DIS3L: variants seen among roughly 807,000 people sequenced by gnomAD.
DIS3L encodes the protein DIS3-like exonuclease 1.
In DIS3L, 100 loss-of-function variants were observed where a neutral mutation model predicts 120.3. The observed-to-expected ratio is 0.83, with a 90% CI of 0.71 to 0.98. The LOEUF (loss-of-function observed/expected upper bound fraction) is 0.98. Among genes scored for constraint, DIS3L ranks in the 50% least tolerant of loss-of-function variants. DIS3L has a pLI of 0.00. For missense variants in DIS3L, 1,196 were observed against 1,314.2 expected (o/e 0.91, Z 1.39); for synonymous variants, 426 against 470.6 (o/e 0.91, Z 1.23).
intron 2 of DIS3L, among the ~76,000 whole-genome samples, chr15:66,299,014 G>A (rs1566934344): frequency 6.6e-6 from 1 of 152,222 alleles, no homozygotes; most frequent in Non-Finnish European, 1.5e-5. Flanking sequence ...ACCACCCAGG[G>A]AGGCAAGGAA....
Position 66,326,252 on chromosome 15 carries a change from T to C in DIS3L, c.2089T>C (p.Trp697Arg). 1 of 1,614,196 alleles carries C rather than the reference T, an allele frequency of 6.2e-7. No homozygotes were observed. The highest frequency in any genetic ancestry group is 8.5e-7 in the Non-Finnish European group (1 of 1,180,036). Residue 697 changes from tryptophan to arginine, a missense_variant, in exon 12 of 17, where the codon TGG becomes CGG. By Grantham distance (101) the Trp-to-Arg change is moderately radical (BLOSUM62 -3). Coordinates refer to ENST00000319212, the MANE Select transcript of DIS3L (RefSeq NM_001143688.3). ...LANHWVAKKI[W>R]ESFPHQALLR... ...CAACCACTGGGTCGCCAAAAAGATC[T>C]GGGAGAGCTTCCCTCATCAGGCCTT...
chr15:66,332,031 T>A lies in DIS3L; in HGVS notation c.2681+11T>A. On this transcript the variant is annotated intron_variant, in intron 15 of 16. Transcript: ENST00000319212. ...TCTATTTATACCAAGGTATGTTACA[T>A]CTAATGCAATGGTGCATAAGAAATC... The A allele has an allele frequency of 6.2e-7, 1 of 1,602,328 alleles. No individual in the cohort carries two copies. The highest frequency in any genetic ancestry group is 8.5e-7 in the Non-Finnish European group (1 of 1,177,064).
At position 66,302,405 on chromosome 15, in the gene DIS3L, G is replaced by A. The variant is rs4776295; in HGVS notation, c.294-4419G>A. On this transcript the variant is annotated intron_variant, in intron 2 of 16. Transcript: ENST00000319212. ...CAAAAACAAAAACCCTGGGTCTGAA[G>A]TGAAGGTGTGAAAACAAATGCAGTG... is the stretch of plus-strand genomic sequence containing the variant. Among the ~76,000 whole-genome samples, 436 of 152,256 alleles carry A rather than the reference G, an allele frequency of 2.9e-3. 2 individuals are homozygous for A. The highest frequency in any genetic ancestry group is 0.023 in the South Asian group (113 of 4,828).
At chr15:66,332,326 G>A (rs887432883) in intron 15 of DIS3L, among the ~76,000 whole-genome samples, 15 of 152,068 alleles carry the variant, frequency 9.9e-5, no homozygotes, top group Admixed American at 1.3e-4. Context: ...GCATGGTGAC[G>A]CATGCCTGAA....
chr15:66,331,223 A>T (rs1485765897), intron 14 of DIS3L, among the ~76,000 whole-genome samples: 1 of 152,084 alleles, frequency 6.6e-6, no homozygotes. Context: ...GCTAATTTAG[A>T]CTTCCACCAA....
Position 66,325,943 on chromosome 15 carries a change from C to A in DIS3L, c.1780C>A (p.Gln594Lys), listed in dbSNP as rs775153860. ...SAYKLFYEAA[Q>K]ELLDGNLSVV... Reference sequence around the variant, plus strand: ...ATACAAACTGTTCTATGAAGCAGCCCAAGAACTACTGGATGGAAACTTAAG... The same window carrying A: ...ATACAAACTGTTCTATGAAGCAGCCAAAGAACTACTGGATGGAAACTTAAG... The change falls in exon 12 of 17, where the codon CAA (glutamine) becomes AAA (lysine). Residue 594 changes from glutamine to lysine, a missense_variant. Gln to Lys is a moderately conservative substitution (Grantham distance 53). Coordinates refer to ENST00000319212, the MANE Select transcript of DIS3L (RefSeq NM_001143688.3). 10 of 1,614,088 alleles carry A rather than the reference C, an allele frequency of 6.2e-6. No homozygotes were observed. In the Admixed American group the frequency reaches 1.7e-4, roughly 27 times the overall value.
At chr15:66,331,134 G>A (rs911050565) in intron 14 of DIS3L, among the ~76,000 whole-genome samples, 27 of 152,008 alleles carry the variant, frequency 1.8e-4, no homozygotes, top group African/African-American at 6.5e-4. Flanking sequence ...CAGCCTAGGC[G>A]ATAGAGTGAG....
chr15:66,329,946 ACCTG>A, intron 14 of DIS3L: 1 of 984,536 alleles, frequency 1.0e-6, no homozygotes, highest in Non-Finnish European at 1.2e-6. Context: ...CAGAAACATC[ACCTG>A]TTATCTTACC....
intron 7 of DIS3L, among the ~76,000 whole-genome samples, chr15:66,317,068 TC>T (rs1411009670): frequency 6.6e-6 from 1 of 152,086 alleles, no homozygotes; most frequent in Non-Finnish European, 1.5e-5. Context: ...TTTCCTCACT[TC>T]CCTCAAGTCA....
At chr15:66,297,883 A>G (rs1054241735) in intron 2 of DIS3L, among the ~76,000 whole-genome samples, 1 of 152,056 alleles carries the variant, frequency 6.6e-6, no homozygotes. Flanking sequence ...TTGATGGTAT[A>G]TAAGATGGGA....
At chr15:66,327,745 AAAATAAAT>A (rs562993431) in intron 12 of DIS3L, among the ~76,000 whole-genome samples, 3 of 151,990 alleles carry the variant, frequency 2.0e-5, no homozygotes, top group African/African-American at 7.3e-5. Flanking sequence ...CTCTGTCTCA[AAAATAAAT>A]AAATAAATAA....
intron 2 of DIS3L, among the ~76,000 whole-genome samples, chr15:66,302,741 A>G (rs2092662115): frequency 1.3e-5 from 2 of 152,046 alleles, no homozygotes; most frequent in Non-Finnish European, 2.9e-5. Flanking sequence ...CCTTTCAAGC[A>G]CTTATCCCAC....
chr15:66,293,536 G>A (rs922170925), upstream of DIS3L: 3 of 1,339,200 alleles, frequency 2.2e-6, no homozygotes, highest in East Asian at 3.5e-5. Context: ...GGGCGGGTCC[G>A]AGGCCGCGGC....
intron 2 of DIS3L, among the ~76,000 whole-genome samples, chr15:66,297,110 G>A (rs76681533): frequency 0.016 from 2,374 of 152,254 alleles, 64 homozygotes; most frequent in African/African-American, 0.055. Flanking sequence ...CAACCAGCAG[G>A]TGCCTTCAGG....
chr15:66,326,063 G>C lies in DIS3L; in HGVS notation c.1900G>C (p.Asp634His). ...GGTGTGGGCAATTGGAAAGCTGACC[G>C]ACATAGCTCGCCATGTCAGAGCTAA... is the stretch of plus-strand genomic sequence containing the variant. Reference protein sequence around the residue: ...ELVWAIGKLTDIARHVRAKRD... With the variant: ...ELVWAIGKLTHIARHVRAKRD... The change falls in exon 12 of 17, where the codon GAC becomes CAC. Residue 634 changes from aspartate (D) to histidine (H), a missense_variant. Transcript: ENST00000319212. 6.2e-7 allele frequency: 1 copy of C among 1,614,074 alleles called. No homozygotes were observed. Among genetic ancestry groups the C allele is most frequent in the Non-Finnish European group, 8.5e-7 (1 of 1,179,936 alleles).
intron 2 of DIS3L, among the ~76,000 whole-genome samples, chr15:66,304,625 G>A (rs1174944301): frequency 6.6e-6 from 1 of 152,154 alleles, no homozygotes; most frequent in Non-Finnish European, 1.5e-5. Flanking sequence ...TTATGGCCGG[G>A]CGTGACGGCT....
intron 8 of DIS3L, 141 bp from the exon 9 acceptor site, chr15:66,320,430 A>AG: frequency 1.2e-6 from 1 of 841,632 alleles, no homozygotes; most frequent in South Asian, 2.7e-5. Flanking sequence ...AACAAAAAAA[A>AG]AACCCTACCA....
At chr15:66,293,927 T>A in intron 1 of DIS3L, 192 bp downstream of exon 1, 1 of 998,456 alleles carries the variant, frequency 1.0e-6, no homozygotes, top group Non-Finnish European at 1.2e-6. Context: ...GTCCGCGGCT[T>A]CTGGGGCGCC....
chr15:66,324,565 T>G (rs1033501149), intron 11 of DIS3L, among the ~76,000 whole-genome samples: 1 of 152,222 alleles, frequency 6.6e-6, no homozygotes, highest in African/African-American at 2.4e-5. Flanking sequence ...GCATTTGTGT[T>G]TAGATCAATA....
Sources: gnomAD v4.1 joint callset for allele counts (sites outside exome capture counted in the v4.1 genomes callset) on GRCh38, gnomAD v4.1.1 for gene constraint, MANE v1.5 for transcripts, NCBI Gene and HGNC (gene_info 2026-07-23, HGNC 2026-07-21) for gene names.